The following MRTFA variants were observed in gnomAD, a reference collection of about 807,000 sequenced individuals.
MRTFA encodes myocardin-related transcription factor A.
In MRTFA, 20 loss-of-function variants were observed where a neutral mutation model predicts 83.5. The ratio of observed to expected loss-of-function variants is 0.24; its 90% CI spans 0.17 to 0.35. MRTFA has a LOEUF of 0.35. Ranked by LOEUF, MRTFA falls within the 10% of genes least tolerant of loss-of-function variation. MRTFA has a pLI of 1.00. For missense variants in MRTFA, 1,200 were observed against 1,224.7 expected (o/e 0.98, Z 0.30); for synonymous variants, 659 against 541.2 (o/e 1.22, Z -3.02).
At chr22:40,521,360 C>T (rs1342747181) in intron 3 of MRTFA, among the ~76,000 whole-genome samples, 3 of 152,132 alleles carry the variant, frequency 2.0e-5, no homozygotes, top group Non-Finnish European at 2.9e-5. Context: ...TAGAATCATA[C>T]AATAGGTAAC....
chr22:40,571,700 C>T (rs1040487877), intron 2 of MRTFA, among the ~76,000 whole-genome samples: 8 of 151,556 alleles, frequency 5.3e-5, no homozygotes, highest in Admixed American at 2.0e-4. Context: ...AAGTCGATCA[C>T]GAGACCAGGA....
intron 14 of MRTFA, among the ~76,000 whole-genome samples, chr22:40,414,270 G>C (rs1457875325): frequency 6.6e-6 from 1 of 152,164 alleles, no homozygotes; most frequent in Non-Finnish European, 1.5e-5. Flanking sequence ...TTGAACCCCA[G>C]AGGCAGAGGT....
At chr22:40,538,985 C>G (rs1401475200) in intron 3 of MRTFA, among the ~76,000 whole-genome samples, 1 of 106,946 alleles carries the variant, frequency 9.4e-6, no homozygotes, top group Non-Finnish European at 1.8e-5. Flanking sequence ...GATACACAGC[C>G]TTTTGTTTTT....
intron 3 of MRTFA, among the ~76,000 whole-genome samples, chr22:40,480,531 G>A (rs2054070829): frequency 6.6e-6 from 1 of 152,080 alleles, no homozygotes; most frequent in African/African-American, 2.4e-5. Flanking sequence ...GGTGATTTCA[G>A]TGAATAGTAT....
At chr22:40,582,665 TACACACAC>T (rs3044561) in intron 2 of MRTFA, among the ~76,000 whole-genome samples, 110 of 143,122 alleles carry the variant, frequency 7.7e-4, no homozygotes, top group Middle Eastern at 3.6e-3. Context: ...TATACACACA[TACACACAC>T]ACACACACAC....
At chr22:40,574,110 G>A (rs868021677) in intron 2 of MRTFA, among the ~76,000 whole-genome samples, 64 of 152,142 alleles carry the variant, frequency 4.2e-4, no homozygotes, top group African/African-American at 1.4e-3. Flanking sequence ...AGTGCATGGT[G>A]GTAAAAACAA....
intron 2 of MRTFA, among the ~76,000 whole-genome samples, chr22:40,563,733 T>C (rs1409528329): frequency 6.6e-6 from 1 of 152,072 alleles, no homozygotes; most frequent in African/African-American, 2.4e-5. Flanking sequence ...AGGATTACAG[T>C]AAATAAAACA....
At chr22:40,412,026 G>T in intron 14 of MRTFA, 119 bp from the exon 15 acceptor site, 2 of 841,328 alleles carry the variant, frequency 2.4e-6, no homozygotes, top group African/African-American at 1.7e-5. Flanking sequence ...ACGGATCAAA[G>T]ACTTACTTAA....
chr22:40,600,339 C>T (rs1282353567), intron 1 of MRTFA, among the ~76,000 whole-genome samples: 1 of 152,178 alleles, frequency 6.6e-6, no homozygotes, highest in African/African-American at 2.4e-5. Context: ...TGCTCCTAGG[C>T]ATATCCATAA....
At chr22:40,563,592 G>A (rs528931416) in intron 2 of MRTFA, among the ~76,000 whole-genome samples, 4 of 151,888 alleles carry the variant, frequency 2.6e-5, no homozygotes, top group Non-Finnish European at 4.4e-5. Flanking sequence ...GCCAGGTGTA[G>A]TAGCTCACAC....
chr22:40,474,888 G>C (rs1157915429), intron 3 of MRTFA, among the ~76,000 whole-genome samples: 1 of 152,074 alleles, frequency 6.6e-6, no homozygotes, highest in Non-Finnish European at 1.5e-5. Flanking sequence ...ACCCAGGCTG[G>C]AGTGCAGTGG....
At chr22:40,496,330 T>C (rs1407876938) in intron 3 of MRTFA, among the ~76,000 whole-genome samples, 1 of 149,064 alleles carries the variant, frequency 6.7e-6, no homozygotes, top group Non-Finnish European at 1.5e-5. Flanking sequence ...CTCACACAAT[T>C]ATGTAACACA....
At chr22:40,447,311 C>T (rs796448102) in intron 4 of MRTFA, among the ~76,000 whole-genome samples, 3 of 151,430 alleles carry the variant, frequency 2.0e-5, no homozygotes, top group African/African-American at 7.3e-5. Context: ...TAAGACTGAG[C>T]CACTGCTCTC....
chr22:40,424,465 C>T (rs547084058), intron 7 of MRTFA, 84 bp from the exon 8 acceptor site: 9 of 1,442,314 alleles, frequency 6.2e-6, no homozygotes, highest in South Asian at 3.7e-5. Context: ...AGGCCACAGG[C>T]AGAGTGCCTG....
At chr22:40,519,761 AGT>A (rs1202259762) in intron 3 of MRTFA, 6 of 408,420 alleles carry the variant, frequency 1.5e-5, no homozygotes, top group Non-Finnish European at 2.5e-5. Flanking sequence ...GCAAAGTCTG[AGT>A]GAAAGTGATC....
At chr22:40,575,077 C>A (rs1423249538) in intron 2 of MRTFA, among the ~76,000 whole-genome samples, 1 of 152,196 alleles carries the variant, frequency 6.6e-6, no homozygotes, top group Non-Finnish European at 1.5e-5. Flanking sequence ...GGTTCAAATT[C>A]CAGAACTGCC....
chr22:40,537,964 C>T (rs1602402362), intron 3 of MRTFA, among the ~76,000 whole-genome samples: 3 of 27,790 alleles, frequency 1.1e-4, no homozygotes, highest in Non-Finnish European at 1.4e-4. Flanking sequence ...GCCCCCCGCC[C>T]GGCCAGCCGC....
At chr22:40,625,897 A>C (rs1490680724) in intron 1 of MRTFA, among the ~76,000 whole-genome samples, 2 of 152,216 alleles carry the variant, frequency 1.3e-5, no homozygotes, top group African/African-American at 4.8e-5. Context: ...GCAAATTTAA[A>C]GAGTGAAAGG....
At chr22:40,488,697 G>T (rs535895711) in intron 3 of MRTFA, among the ~76,000 whole-genome samples, 58 of 152,220 alleles carry the variant, frequency 3.8e-4, no homozygotes, top group African/African-American at 1.4e-3. Flanking sequence ...GCCAGGCATG[G>T]TGGCGGGCGC....
Sources: gnomAD v4.1 joint callset for allele counts (sites outside exome capture counted in the v4.1 genomes callset) on GRCh38, gnomAD v4.1.1 for gene constraint, MANE v1.5 for transcripts, NCBI Gene and HGNC (gene_info 2026-07-23, HGNC 2026-07-21) for gene names.